TTPAL: variants seen among roughly 807,000 people sequenced by gnomAD.
TTPAL encodes alpha-tocopherol transfer protein-like.
Under a neutral mutation model 28.7 loss-of-function variants are expected in TTPAL, and 21 were observed. That is an observed-to-expected ratio of 0.73 (90% confidence interval 0.52 to 1.06). The LOEUF (loss-of-function observed/expected upper bound fraction) is 1.06. Ranked by LOEUF, TTPAL falls within the 50% of genes least tolerant of loss-of-function variation. The pLI is 0.00. For missense variants in TTPAL, 345 were observed against 425.5 expected (o/e 0.81, Z 1.67); for synonymous variants, 169 against 171.9 (o/e 0.98, Z 0.13).
chr20:44,482,025 A>G (rs1248782664), intron 2 of TTPAL, among the ~76,000 whole-genome samples: 3 of 152,062 alleles, frequency 2.0e-5, no homozygotes, highest in Non-Finnish European at 4.4e-5. Flanking sequence ...TTTTTTCCCC[A>G]TATGTCTGGA....
At position 44,475,976 on chromosome 20, in the gene TTPAL, GC is replaced by G. The variant is rs2064038110; in HGVS notation, c.-28del. On this transcript the variant is annotated 5_prime_UTR_variant, in exon 1 of 5. Coordinates refer to ENST00000262605, the MANE Select transcript of TTPAL (RefSeq NM_001039199.3). Reference sequence around the variant, plus strand: ...CCCGCCGCCGATTGACCCGCGCTCCGCCCGTAGTCGGGCCGGTGAGTGCCCG... The same window carrying G: ...CCCGCCGCCGATTGACCCGCGCTCCGCCGTAGTCGGGCCGGTGAGTGCCCG... 6.6e-6 allele frequency: 1 copy of G among 152,326 alleles called. No homozygotes were observed. Among genetic ancestry groups the G allele is most frequent in the African/African-American group, 2.4e-5 (1 of 41,478 alleles). The allele number at this position is 152,326 out of a possible 1,614,324, so 9.4% of individuals were successfully genotyped here. A position where few individuals can be genotyped will look rare whatever the true frequency, so the allele number is the denominator to read the frequency against.
At position 44,486,633 on chromosome 20, in the gene TTPAL, T is replaced by C. The variant is rs773500353; in HGVS notation, c.677T>C (p.Val226Ala). ...ATTCGGATAAAAGCAGTCCATGTGG[T>C]GAATGAACCTCGAATATTTAAAGGC... ...FPIRIKAVHVVNEPRIFKGIF... is the reference protein window; with the variant it reads ...FPIRIKAVHVANEPRIFKGIF... The change falls in exon 4 of 5, where the codon GTG becomes GCG. Residue 226 changes from valine to alanine, a missense_variant. Transcript: ENST00000262605. 5 of 1,613,588 alleles carry C rather than the reference T, an allele frequency of 3.1e-6. No homozygotes were observed. In the African/African-American group the frequency reaches 5.3e-5, roughly 17 times the overall value.
intron 2 of TTPAL, among the ~76,000 whole-genome samples, chr20:44,482,376 C>T (rs1040959371): frequency 6.6e-6 from 1 of 151,572 alleles, no homozygotes; most frequent in Admixed American, 6.6e-5. Flanking sequence ...TAAACGGCCC[C>T]CGCCTCCCCC....
chr20:44,485,573 CCT>C (rs2122880927), intron 3 of TTPAL, among the ~76,000 whole-genome samples: 1 of 152,208 alleles, frequency 6.6e-6, no homozygotes, highest in South Asian at 2.1e-4. Flanking sequence ...TGTTTCAGCC[CCT>C]GTGGTGCACC....
rs549850206 is a variant in TTPAL, at chr20:44,490,694, G to A, written c.*1153G>A. ...TGTGAGGCCAGGTTAAGGTGACCAGGATCTTGTATGATGAATTCCTTCCAT... is the reference window on the plus strand; with the variant it reads ...TGTGAGGCCAGGTTAAGGTGACCAGAATCTTGTATGATGAATTCCTTCCAT... On this transcript the variant is annotated 3_prime_UTR_variant, in exon 5 of 5. Transcript: ENST00000262605. 16 of 152,396 alleles carry A rather than the reference G, an allele frequency of 1.0e-4. No homozygotes were observed. The East Asian group carries it at 1.7e-3, about 16-fold the overall frequency. 9.4% of individuals were successfully genotyped at this position (152,396 alleles called of 1,614,324 possible).
At chr20:44,479,399 G>GTTTTT (rs869123576) in intron 1 of TTPAL, among the ~76,000 whole-genome samples, 33 of 81,542 alleles carry the variant, frequency 4.0e-4, no homozygotes, top group Non-Finnish European at 7.3e-4. Context: ...AATCTGAGTT[G>GTTTTT]TTTTTTTTTT....
Position 44,492,343 on chromosome 20 carries a change from A to G in TTPAL, c.*2802A>G, listed in dbSNP as rs1410432341. On this transcript the variant is annotated 3_prime_UTR_variant, in exon 5 of 5. Transcript: ENST00000262605. ...TTCCTTCAGGGAGAAGTTCTGGCCC[A>G]TTGCACAAACACTTGGAAATTAACT... The G allele has an allele frequency of 6.6e-6, 1 of 152,370 alleles. No individual in the cohort carries two copies. The highest frequency in any genetic ancestry group is 1.5e-5 in the Non-Finnish European group (1 of 68,052). The allele number at this position is 152,370 out of a possible 1,614,324, so 9.4% of individuals were successfully genotyped here.
chr20:44,494,249 T>C lies in TTPAL; in HGVS notation c.*4708T>C, dbSNP rs1197832554. ...CAGGTTTAGTGAGGCAGTGAGATGC[T>C]GCTGCTGTGGATTCTTGTAGCTATG... is the stretch of plus-strand genomic sequence containing the variant. On this transcript the variant is annotated 3_prime_UTR_variant, in exon 5 of 5. Coordinates refer to ENST00000262605, the MANE Select transcript of TTPAL (RefSeq NM_001039199.3). 1 of 152,706 alleles carries C rather than the reference T, an allele frequency of 6.5e-6. No homozygotes were observed. Among genetic ancestry groups the C allele is most frequent in the East Asian group, 1.9e-4 (1 of 5,334 alleles). 9.5% of individuals were successfully genotyped at this position (152,706 alleles called of 1,614,324 possible).
At position 44,476,265 on chromosome 20, in the gene TTPAL, T is replaced by G. The variant is rs145042134; in HGVS notation, c.-16+274T>G. Among the ~76,000 whole-genome samples, 359 of 151,856 alleles carry G rather than the reference T, an allele frequency of 2.4e-3. 1 individual carries two copies. The highest frequency in any genetic ancestry group is 3.5e-3 in the Non-Finnish European group (241 of 67,892). On this transcript the variant is annotated intron_variant, in intron 1 of 4. Coordinates refer to ENST00000262605, the MANE Select transcript of TTPAL (RefSeq NM_001039199.3). ...TGCTCCAGAAAGGATGGGCTCCAGG[T>G]GGGGGAGATCTTTGGCTTCACCGTT...
rs1281629369 is a variant in TTPAL at position 44,492,158 on chromosome 20, T to TG, written c.*2618dup. The TG allele has an allele frequency of 1.3e-5, 2 of 152,382 alleles. No individual in the cohort carries two copies. The highest frequency in any genetic ancestry group is 4.8e-5 in the African/African-American group (2 of 41,548). 9.4% of individuals were successfully genotyped at this position (152,382 alleles called of 1,614,324 possible). On this transcript the variant is annotated 3_prime_UTR_variant, in exon 5 of 5. Transcript: ENST00000262605. Reference sequence around the variant, plus strand: ...GCTGTGAAACCAAGACCTCCCTGCGTGAAAATCAAGGTGGTCTCCTTGTGG... The same window carrying TG: ...GCTGTGAAACCAAGACCTCCCTGCGTGGAAAATCAAGGTGGTCTCCTTGTGG...
chr20:44,486,630 T>G lies in TTPAL; in HGVS notation c.674T>G (p.Val225Gly). The G allele has an allele frequency of 6.2e-7, 1 of 1,613,788 alleles. No individual in the cohort carries two copies. The highest frequency in any genetic ancestry group is 2.2e-5 in the East Asian group (1 of 44,870). The change falls in exon 4 of 5, where the codon GTG becomes GGG. Residue 225 changes from valine to glycine, a missense_variant. Transcript: ENST00000262605. ...CCCATTCGGATAAAAGCAGTCCATG[T>G]GGTGAATGAACCTCGAATATTTAAA... is the stretch of plus-strand genomic sequence containing the variant. Reference protein sequence around the residue: ...GFPIRIKAVHVVNEPRIFKGI... With the variant: ...GFPIRIKAVHGVNEPRIFKGI...
chr20:44,490,526 T>G lies in TTPAL; in HGVS notation c.*985T>G, dbSNP rs1272535773. 6.6e-6 allele frequency: 1 copy of G among 152,378 alleles called. No homozygotes were observed. The highest frequency in any genetic ancestry group is 6.5e-5 in the Admixed American group (1 of 15,282). The allele number at this position is 152,378 out of a possible 1,614,324, so 9.4% of individuals were successfully genotyped here. A position where few individuals can be genotyped will look rare whatever the true frequency, so the allele number is the denominator to read the frequency against. Reference sequence around the variant, plus strand: ...AGATACAAGTGGTTGGATCCTGTTTTTGTTTGTGGTACATGTGTCTTTCCA... The same window carrying G: ...AGATACAAGTGGTTGGATCCTGTTTGTGTTTGTGGTACATGTGTCTTTCCA... On this transcript the variant is annotated 3_prime_UTR_variant, in exon 5 of 5. Transcript: ENST00000262605.
chr20:44,480,270 G>C lies in TTPAL; in HGVS notation c.271G>C (p.Asp91His). The C allele has an allele frequency of 6.2e-7, 1 of 1,614,162 alleles. No individual in the cohort carries two copies. The highest frequency in any genetic ancestry group is 8.5e-7 in the Non-Finnish European group (1 of 1,180,030). ...GCGCTTCCTCCGAGCCCGCAAGTTT[G>C]ATTACGACCGGGCCCTGCAGCTCCT... ...LLRFLRARKF[D>H]YDRALQLLVN... The change falls in exon 2 of 5, where the codon GAT (aspartate) becomes CAT (histidine). Residue 91 changes from aspartate (D) to histidine (H), a missense_variant. By Grantham distance (81) the Asp-to-His change is moderately conservative (BLOSUM62 -1). Coordinates refer to ENST00000262605, the MANE Select transcript of TTPAL (RefSeq NM_001039199.3). This position sits in a 1 kb window ranked among gnomAD's most constrained non-coding sequence, Gnocchi z 4.1.
At position 44,489,860 on chromosome 20, in the gene TTPAL, G is replaced by C; in HGVS notation, c.*319G>C. On this transcript the variant is annotated 3_prime_UTR_variant, in exon 5 of 5. Coordinates refer to ENST00000262605, the MANE Select transcript of TTPAL (RefSeq NM_001039199.3). ...GGTGATCTGGTTCTTACACATCTTG[G>C]AAGCAAGAACAATCAGGACCAAAGT... is the stretch of plus-strand genomic sequence containing the variant. 1 of 266,660 alleles carries C rather than the reference G, an allele frequency of 3.8e-6. No homozygotes were observed. The highest frequency in any genetic ancestry group is 7.2e-6 in the Non-Finnish European group (1 of 139,366). 16.5% of individuals were successfully genotyped at this position (266,660 alleles called of 1,614,324 possible). A position where few individuals can be genotyped will look rare whatever the true frequency, so the allele number is the denominator to read the frequency against.
At chr20:44,476,114 G>C (rs1394459514) in intron 1 of TTPAL, 123 bp downstream of exon 1, 1 of 152,352 alleles carries the variant, frequency 6.6e-6, no homozygotes, top group African/African-American at 2.4e-5. Context: ...GACACCTGGG[G>C]AGGGGGTGAC....
At position 44,486,683 on chromosome 20, in the gene TTPAL, C is replaced by A. The variant is rs755480833; in HGVS notation, c.727C>A (p.Leu243Ile). ...KGIFAIIKPF[L>I]KEKIANRFFL... ...CATTTTTGCCATCATAAAACCATTT[C>A]TAAAGGAGAAAATAGCAAACAGAGT... is the stretch of plus-strand genomic sequence containing the variant. Residue 243 changes from leucine to isoleucine, a missense_variant, in exon 4 of 5, where the codon CTA becomes ATA. Leu to Ile is a conservative substitution (Grantham distance 5, BLOSUM62 2). Coordinates refer to ENST00000262605, the MANE Select transcript of TTPAL (RefSeq NM_001039199.3). 2.5e-6 allele frequency: 4 copies of A among 1,608,282 alleles called. No homozygotes were observed. In the East Asian group the frequency reaches 6.7e-5, roughly 27 times the overall value.
At chr20:44,484,003 G>T (rs2064129620) in intron 2 of TTPAL, among the ~76,000 whole-genome samples, 2 of 152,078 alleles carry the variant, frequency 1.3e-5, no homozygotes, top group South Asian at 4.2e-4. Context: ...TGTTGCCTGG[G>T]CTGGTCTTGA....
chr20:44,486,474 TGAG>T, intron 3 of TTPAL, 119 bp from the exon 4 acceptor site: 4 of 654,382 alleles, frequency 6.1e-6, no homozygotes, highest in South Asian at 1.9e-5. Flanking sequence ...GGACTGTCAT[TGAG>T]GAGGCCATAA....
rs371320519 is a variant in TTPAL at position 44,484,503 on chromosome 20, A to G, written c.612A>G (p.Ile204Met). Residue 204 changes from isoleucine to methionine, a missense_variant, in exon 3 of 5, where the codon ATA becomes ATG. Ile to Met is a conservative substitution (Grantham distance 10, BLOSUM62 1). Coordinates refer to ENST00000262605, the MANE Select transcript of TTPAL (RefSeq NM_001039199.3). Reference sequence around the variant, plus strand: ...AAGCATCTCACTTTGGCCCTTTTATAGCCAAAAAGGTGATTGGCATCCTCC... The same window carrying G: ...AAGCATCTCACTTTGGCCCTTTTATGGCCAAAAAGGTGATTGGCATCCTCC... The part of the protein sequence containing the change: ...LSKASHFGPF[I>M]AKKVIGILQD... The G allele has an allele frequency of 1.9e-6, 3 of 1,583,218 alleles. No individual in the cohort carries two copies. The highest frequency in any genetic ancestry group is 2.7e-5 in the African/African-American group (2 of 74,508).
Sources: gnomAD v4.1 joint callset for allele counts (sites outside exome capture counted in the v4.1 genomes callset) on GRCh38, gnomAD v4.1.1 for gene constraint, Gnocchi (gnomAD v3.1) non-coding constraint, MANE v1.5 for transcripts, NCBI Gene and HGNC (gene_info 2026-07-23, HGNC 2026-07-21) for gene names.